Variants in TRAT1 observed in about 807,000 individuals in gnomAD.
TRAT1 encodes T-cell receptor-associated transmembrane adapter 1.
TRAT1 carries 20 observed loss-of-function variants against 20.0 expected under a neutral mutation model. That is an observed-to-expected ratio of 1.00 (90% CI 0.70 to 1.45). The LOEUF is 1.45. TRAT1 is among the 40% of genes most tolerant of loss of function. The pLI is 0.00. For synonymous variants in TRAT1, 77 were observed against 74.2 expected, an observed-to-expected ratio of 1.04 and a Z score of -0.20; for missense variants, 237 against 224.1, an observed-to-expected ratio of 1.06 and a Z score of -0.37.
intron 1 of TRAT1, among the ~76,000 whole-genome samples, chr3:108,826,130 A>G (rs1012060988): frequency 2.0e-5 from 3 of 152,146 alleles, no homozygotes; most frequent in Non-Finnish European, 2.9e-5. Context: ...TAAGTAAAGT[A>G]TTGATTGAGG....
chr3:108,838,346 TATAGATAGATG>T (rs142388620), intron 2 of TRAT1, among the ~76,000 whole-genome samples: 32,612 of 143,266 alleles, frequency 0.23, 3,727 homozygotes, highest in Middle Eastern at 0.29. Context: ...AGATGATAGA[TATAGATAGATG>T]ATAGATAGAT....
chr3:108,838,020 G>A (rs1012695595), intron 2 of TRAT1, among the ~76,000 whole-genome samples: 9 of 152,170 alleles, frequency 5.9e-5, no homozygotes, highest in Admixed American at 2.0e-4. Context: ...AGGTTTAACA[G>A]TGAGTTGCTT....
chr3:108,847,731 A>G (rs1356207766), intron 4 of TRAT1, among the ~76,000 whole-genome samples: 1 of 152,158 alleles, frequency 6.6e-6, no homozygotes, highest in Non-Finnish European at 1.5e-5. Context: ...ATTTCTCCAA[A>G]CAGATAACCT....
At chr3:108,844,843 C>CAAA (rs71103495) in intron 3 of TRAT1, among the ~76,000 whole-genome samples, 1,438 of 47,690 alleles carry the variant, frequency 0.03, 292 homozygotes, top group African/African-American at 0.1. Flanking sequence ...GACTCTGTCT[C>CAAA]AAAAAAAAAA....
At chr3:108,847,634 T>C (rs1174950605) in intron 4 of TRAT1, among the ~76,000 whole-genome samples, 1 of 152,224 alleles carries the variant, frequency 6.6e-6, no homozygotes, top group Non-Finnish European at 1.5e-5. Flanking sequence ...TATATTTATT[T>C]TGTTCTTATG....
chr3:108,828,318 T>C (rs1945760437), intron 1 of TRAT1, among the ~76,000 whole-genome samples: 1 of 152,146 alleles, frequency 6.6e-6, no homozygotes, highest in South Asian at 2.1e-4. Context: ...TTATTTTCCA[T>C]GTATTTATTT....
chr3:108,853,973 G>GTGA lies in TRAT1; in HGVS notation c.*100_*102dup. 8.5e-7 allele frequency: 1 copy of GTGA among 1,176,480 alleles called. No homozygotes were observed. Among genetic ancestry groups the GTGA allele is most frequent in the Admixed American group, 2.0e-5 (1 of 49,220 alleles). The allele number at this position is 1,176,480 out of a possible 1,614,324, so 72.9% of individuals were successfully genotyped here. A position where few individuals can be genotyped will look rare whatever the true frequency, so the allele number is the denominator to read the frequency against. On this transcript the variant is annotated 3_prime_UTR_variant, in exon 6 of 6. Transcript: ENST00000295756. Reference sequence around the variant, plus strand: ...GGACACAGAAGGACTTGGCAGCAGGGTGATGACCTGATCATTTGTTGATGG... The same window carrying GTGA: ...GGACACAGAAGGACTTGGCAGCAGGGTGATGATGACCTGATCATTTGTTGATGG...
At chr3:108,824,339 T>G (rs751715600) in intron 1 of TRAT1, among the ~76,000 whole-genome samples, 2 of 152,222 alleles carry the variant, frequency 1.3e-5, no homozygotes, top group Admixed American at 6.5e-5. Context: ...CCAAGAGTGA[T>G]GCCAATTCCC....
At chr3:108,842,301 G>C (rs1025741169) in intron 3 of TRAT1, among the ~76,000 whole-genome samples, 2 of 152,078 alleles carry the variant, frequency 1.3e-5, no homozygotes, top group Non-Finnish European at 2.9e-5. Flanking sequence ...TGAATTTCTG[G>C]AGCTCTGCAG....
intron 2 of TRAT1, among the ~76,000 whole-genome samples, chr3:108,832,981 T>A (rs189819584): frequency 6.6e-6 from 1 of 152,246 alleles, no homozygotes. Flanking sequence ...TGTAAATAGG[T>A]TTTACAATTC....
chr3:108,846,745 T>A (rs986828335), intron 3 of TRAT1, among the ~76,000 whole-genome samples: 1 of 152,228 alleles, frequency 6.6e-6, no homozygotes, highest in African/African-American at 2.4e-5. Context: ...TATGTTGGAA[T>A]TGAGAGAATT....
At chr3:108,845,708 T>C (rs1945936612) in intron 3 of TRAT1, among the ~76,000 whole-genome samples, 1 of 152,170 alleles carries the variant, frequency 6.6e-6, no homozygotes, top group Non-Finnish European at 1.5e-5. Flanking sequence ...AGAGTCCTTT[T>C]TTTTTTTCTT....
chr3:108,827,115 TTC>T (rs1559819477), intron 1 of TRAT1, among the ~76,000 whole-genome samples: 1 of 151,812 alleles, frequency 6.6e-6, no homozygotes, highest in Non-Finnish European at 1.5e-5. Context: ...ATTTCTCGAG[TTC>T]TTCGGCTTTT....
chr3:108,853,471 G>T, intron 5 of TRAT1, 149 bp from the exon 6 acceptor site: 1 of 856,788 alleles, frequency 1.2e-6, no homozygotes, highest in African/African-American at 1.7e-5. Flanking sequence ...TCTGTTTTTT[G>T]TTTTTGTTTT....
intron 3 of TRAT1, among the ~76,000 whole-genome samples, chr3:108,839,519 G>A (rs1451971529): frequency 2.0e-5 from 3 of 152,056 alleles, no homozygotes; most frequent in African/African-American, 7.2e-5. Context: ...GGTGGCACAT[G>A]CCTGTAGTCC....
intron 3 of TRAT1, among the ~76,000 whole-genome samples, chr3:108,842,731 G>A (rs1183022272): frequency 6.6e-6 from 1 of 152,172 alleles, no homozygotes; most frequent in Non-Finnish European, 1.5e-5. Context: ...CATGCTGGCA[G>A]TTCTTTCCAG....
chr3:108,853,873 A>G lies in TRAT1; in HGVS notation c.557A>G (p.Asn186Ser). The G allele has an allele frequency of 6.2e-7, 1 of 1,613,438 alleles. No homozygotes were observed. The highest frequency in any genetic ancestry group is 8.5e-7 in the Non-Finnish European group (1 of 1,179,536). ...ATCCGTGCTAAGAGAGAACCTATAA[A>G]CTAGCTGGACCATGATCTAGTTCAA... ...GLIRAKREPI[N>S] Residue 186 changes from asparagine (N) to serine (S), a missense_variant, in exon 6 of 6, where the codon AAC (asparagine) becomes AGC (serine). Transcript: ENST00000295756.
intron 2 of TRAT1, among the ~76,000 whole-genome samples, chr3:108,835,021 T>C (rs1340161569): frequency 6.6e-6 from 1 of 152,248 alleles, no homozygotes; most frequent in Admixed American, 6.5e-5. Flanking sequence ...TATTCTTTGT[T>C]TAACTCTTCC....
chr3:108,845,913 G>T (rs1945938104), intron 3 of TRAT1, among the ~76,000 whole-genome samples: 1 of 152,178 alleles, frequency 6.6e-6, no homozygotes, highest in South Asian at 2.1e-4. Flanking sequence ...ACAATGGTAG[G>T]ATGTATACTG....
Sources: allele counts gnomAD v4.1 joint callset (sites outside exome capture counted in the v4.1 genomes callset), GRCh38; gene constraint gnomAD v4.1.1; transcripts MANE v1.5; gene names NCBI Gene and HGNC (gene_info 2026-07-23, HGNC 2026-07-21).